The following PAK3 variants were observed in gnomAD, a reference collection of about 807,000 sequenced individuals.
PAK3 encodes the protein p21 (RAC1) activated kinase 3.
A neutral mutation model predicts 41.0 loss-of-function variants in PAK3; 4 were observed. The ratio of observed to expected loss-of-function variants is 0.10; its 90% CI spans 0.05 to 0.22. PAK3 has a LOEUF of 0.22. Ranked by LOEUF, PAK3 falls within the 10% of genes least tolerant of loss-of-function variation. The probability of loss-of-function intolerance (pLI) is 1.00; values close to 1 mark genes in which losing one functional copy is unlikely to be tolerated. For missense variants in PAK3, 205 were observed against 409.9 expected (o/e 0.50, Z 4.32); for synonymous variants, 146 against 139.6 (o/e 1.05, Z -0.32).
At chrX:111,005,675 G>T (rs1337546076) in intron 1 of PAK3, among the ~76,000 whole-genome samples, 1 of 111,532 alleles carries the variant, frequency 9.0e-6, no homozygotes, top group Non-Finnish European at 1.9e-5. Flanking sequence ...TAAGTGATTT[G>T]CTATATCCCC....
At chrX:111,160,638 C>T (rs1267948566) in intron 8 of PAK3, among the ~76,000 whole-genome samples, 12 of 108,760 alleles carry the variant, frequency 1.1e-4, no homozygotes, top group Admixed American at 2.9e-4. Context: ...CACAACAGTC[C>T]CCGGTGTGTG....
At chrX:111,199,639 T>C (rs890000607) in intron 16 of PAK3, among the ~76,000 whole-genome samples, 3 of 111,908 alleles carry the variant, frequency 2.7e-5, no homozygotes, top group Non-Finnish European at 5.6e-5. Context: ...TTGGTGGGTA[T>C]TGAGTGGAAC....
intron 4 of PAK3, among the ~76,000 whole-genome samples, chrX:111,121,509 G>A (rs2148993275): frequency 8.9e-6 from 1 of 111,923 alleles, no homozygotes; most frequent in South Asian, 3.8e-4. Context: ...ATTACTGAGA[G>A]TAATAAACAT....
chrX:111,141,542 G>A (rs1348730964), intron 5 of PAK3, among the ~76,000 whole-genome samples: 1 of 112,056 alleles, frequency 8.9e-6, no homozygotes, highest in Non-Finnish European at 1.9e-5. Context: ...AATAAAAAAG[G>A]TTTGTAACAT....
At chrX:111,171,421 T>C (rs906441536) in intron 10 of PAK3, among the ~76,000 whole-genome samples, 1 of 110,267 alleles carries the variant, frequency 9.1e-6, no homozygotes, top group Non-Finnish European at 1.9e-5. Context: ...AGCTGCACCC[T>C]TATTCCCATG....
At chrX:110,958,834 A>T (rs1272677191) in intron 1 of PAK3, among the ~76,000 whole-genome samples, 1 of 111,622 alleles carries the variant, frequency 9.0e-6, no homozygotes, top group Non-Finnish European at 1.9e-5. Flanking sequence ...GGCACCCAAG[A>T]TATGATGTAT....
intron 1 of PAK3, among the ~76,000 whole-genome samples, chrX:110,998,359 G>A (rs1458436600): frequency 8.9e-6 from 1 of 112,125 alleles, no homozygotes; most frequent in Non-Finnish European, 1.9e-5. Flanking sequence ...GTGATTCAAG[G>A]AAGAGAGAGT....
At chrX:111,003,901 C>T (rs2091885358) in intron 1 of PAK3, among the ~76,000 whole-genome samples, 1 of 112,524 alleles carries the variant, frequency 8.9e-6, no homozygotes, top group Non-Finnish European at 1.9e-5. Flanking sequence ...AATACTGACT[C>T]TGCAACTTAC....
intron 11 of PAK3, among the ~76,000 whole-genome samples, chrX:111,182,412 G>A (rs993100980): frequency 1.8e-5 from 2 of 111,107 alleles, no homozygotes; most frequent in African/African-American, 6.5e-5. Context: ...AGAAAATTCC[G>A]TGTTCTGATT....
intron 4 of PAK3, among the ~76,000 whole-genome samples, chrX:111,109,188 G>C (rs768658410): frequency 6.2e-5 from 7 of 112,155 alleles, no homozygotes; most frequent in Non-Finnish European, 1.3e-4. Flanking sequence ...ACCTCATGGA[G>C]TTGTTAAGAG....
At chrX:111,007,686 T>A (rs1436863883) in intron 1 of PAK3, among the ~76,000 whole-genome samples, 3 of 112,186 alleles carry the variant, frequency 2.7e-5, no homozygotes, top group Non-Finnish European at 5.6e-5. Context: ...AACCTTGCTC[T>A]ACCATTTCCC....
intron 1 of PAK3, among the ~76,000 whole-genome samples, chrX:110,990,363 C>G (rs769605623): frequency 1.2e-4 from 13 of 112,170 alleles, no homozygotes; most frequent in Non-Finnish European, 2.1e-4. Flanking sequence ...TAAGCACCTA[C>G]TATGTGACAG....
intron 4 of PAK3, among the ~76,000 whole-genome samples, chrX:111,111,133 C>T (rs1006941437): frequency 1.8e-5 from 2 of 111,863 alleles, no homozygotes; most frequent in African/African-American, 6.5e-5. Flanking sequence ...CCCACATGTC[C>T]AGCTCTCCAT....
At chrX:111,185,627 T>C (rs1467390912) in intron 11 of PAK3, among the ~76,000 whole-genome samples, 1 of 111,430 alleles carries the variant, frequency 9.0e-6, no homozygotes, top group African/African-American at 3.3e-5. Context: ...ATAGCCAGTT[T>C]TCCCAACACC....
intron 1 of PAK3, among the ~76,000 whole-genome samples, chrX:111,016,886 G>A (rs1303283716): frequency 9.0e-6 from 1 of 110,643 alleles, no homozygotes; most frequent in African/African-American, 3.3e-5. Context: ...AGATAAATAG[G>A]ATTTTCTGAC....
chrX:111,141,620 GTTAAA>G (rs995871238), intron 5 of PAK3, among the ~76,000 whole-genome samples: 4 of 112,089 alleles, frequency 3.6e-5, no homozygotes, highest in Non-Finnish European at 5.6e-5. Context: ...ATAGAAACAT[GTTAAA>G]TTAAATAAGT....
In PAK3 at chrX:111,147,719, C is replaced by A. The variant is rs756967414; in HGVS notation, c.277-18C>A. Reference sequence around the variant, plus strand: ...AGAATGTTCTGAGCTACCATTCTTTCCCTTTGGTTGTCCACAGGGAATTCC... The same window carrying A: ...AGAATGTTCTGAGCTACCATTCTTTACCTTTGGTTGTCCACAGGGAATTCC... On this transcript the variant is annotated intron_variant, in intron 6 of 17. Coordinates refer to ENST00000372007, the MANE Select transcript of PAK3 (RefSeq NM_002578.5). 3.5e-6 allele frequency: 4 copies of A among 1,154,841 alleles called. No homozygotes were observed. The highest frequency in any genetic ancestry group is 4.7e-6 in the Non-Finnish European group (4 of 843,566).
At chrX:110,950,700 T>C (rs2090725037) in intron 1 of PAK3, among the ~76,000 whole-genome samples, 1 of 112,177 alleles carries the variant, frequency 8.9e-6, no homozygotes. Context: ...CCAACCTTTG[T>C]TGATGAATTT....
chrX:111,011,622 C>T (rs985933020), intron 1 of PAK3, among the ~76,000 whole-genome samples: 5 of 112,337 alleles, frequency 4.5e-5, no homozygotes, highest in Admixed American at 9.4e-5. Context: ...AAATTTTCCA[C>T]GTATTCATTG....
Sources: allele counts gnomAD v4.1 joint callset (sites outside exome capture counted in the v4.1 genomes callset), GRCh38; gene constraint gnomAD v4.1.1; transcripts MANE v1.5; gene names NCBI Gene and HGNC (gene_info 2026-07-23, HGNC 2026-07-21).